The following GABRG3 variants were observed in gnomAD, a reference collection of about 807,000 sequenced individuals.
The protein encoded by GABRG3 is gamma-aminobutyric acid receptor subunit gamma-3.
Under a neutral mutation model 48.8 loss-of-function variants are expected in GABRG3, and 25 were observed. That is an observed-to-expected ratio of 0.51 (90% CI 0.37 to 0.72). The LOEUF (loss-of-function observed/expected upper bound fraction) is 0.72, where lower values mean the gene tolerates loss of function less well. GABRG3 is among the 30% of genes least tolerant of loss of function. GABRG3 has a pLI of 0.00. For synonymous variants in GABRG3, 227 were observed against 217.6 expected (o/e 1.04, Z -0.38); for missense variants, 394 against 577.9 (o/e 0.68, Z 3.26).
rs1199208586 is a variant in GABRG3 at position 26,975,061 on chromosome 15, G to C, written c.54-1941G>C. On this transcript the variant is annotated intron_variant, in intron 1 of 9. Transcript: ENST00000615808. The surrounding 1 kb of genome is among the most constrained non-coding windows in gnomAD (Gnocchi z 4.6). ...GCTAATTTTTTTTGTATTTTTAGTA[G>C]AGACGGGGTTTCACCCTGTTGGCCA... Among the ~76,000 whole-genome samples, 2 of 151,696 alleles carry C rather than the reference G, an allele frequency of 1.3e-5. No homozygotes were observed. Among genetic ancestry groups the C allele is most frequent in the African/African-American group, 2.4e-5 (1 of 41,282 alleles).
At chr15:27,304,077 C>T (rs974323489) in intron 3 of GABRG3, among the ~76,000 whole-genome samples, 11 of 151,800 alleles carry the variant, frequency 7.2e-5, no homozygotes, top group Admixed American at 2.0e-4. Context: ...TAGAGTAGAA[C>T]GGAACATCCT....
At chr15:27,478,169 T>A (rs758046590) in intron 5 of GABRG3, among the ~76,000 whole-genome samples, 8 of 152,172 alleles carry the variant, frequency 5.3e-5, no homozygotes, top group Non-Finnish European at 1.2e-4. Context: ...CACTTTACAT[T>A]ATGTGTATAT....
chr15:27,105,570 T>G (rs2140367516), intron 3 of GABRG3, among the ~76,000 whole-genome samples: 1 of 152,318 alleles, frequency 6.6e-6, no homozygotes, highest in Non-Finnish European at 1.5e-5. Context: ...GCAACCATCA[T>G]GTAATCGGAC....
chr15:27,141,555 A>G (rs1221094778), intron 3 of GABRG3, among the ~76,000 whole-genome samples: 1 of 152,152 alleles, frequency 6.6e-6, no homozygotes, highest in Non-Finnish European at 1.5e-5. Context: ...AGAAAAATCA[A>G]TTTTCCTTGT....
At position 27,433,592 on chromosome 15, in the gene GABRG3, G is replaced by C. The variant is rs142403409; in HGVS notation, c.575-47058G>C. On this transcript the variant is annotated intron_variant, in intron 5 of 9. Transcript: ENST00000615808. ...TCATTCTGGAAGAGCTTCCCCTCTG[G>C]TGGCTCTTTTTAAATCTAATTAATC... Among the ~76,000 whole-genome samples the C allele has an allele frequency of 2.8e-3, 430 of 152,264 alleles. 1 individual carries two copies. Among genetic ancestry groups the C allele is most frequent in the African/African-American group, 9.7e-3 (403 of 41,546 alleles).
intron 3 of GABRG3, among the ~76,000 whole-genome samples, chr15:27,115,722 A>C (rs1897629646): frequency 6.6e-6 from 1 of 152,210 alleles, no homozygotes; most frequent in Admixed American, 6.5e-5. Flanking sequence ...TATATATTCT[A>C]AATCAACATT....
In GABRG3 at chr15:26,982,290, C is replaced by CTT. The variant is rs1895070371; in HGVS notation, c.202+5141_202+5142insTT. ...GATACCCAAGACTGGTTCCTTGCTC[C>CTT]TCTGGATAAGCTAAGTCCAGTTGGA... On this transcript the variant is annotated intron_variant, in intron 2 of 9. Coordinates refer to ENST00000615808, the MANE Select transcript of GABRG3 (RefSeq NM_033223.5). 3.3e-5 allele frequency among the ~76,000 whole-genome samples: 5 copies of CTT among 152,162 alleles called. No individual in the cohort carries two copies. In the South Asian group the frequency reaches 1.0e-3, roughly 32 times the overall value.
intron 5 of GABRG3, among the ~76,000 whole-genome samples, chr15:27,431,994 G>T (rs1304647062): frequency 6.6e-6 from 1 of 151,844 alleles, no homozygotes; most frequent in African/African-American, 2.4e-5. Context: ...TTCCATTGTG[G>T]TTGGAGAACA....
chr15:27,355,580 C>T (rs1314582597), intron 5 of GABRG3, among the ~76,000 whole-genome samples: 2 of 152,220 alleles, frequency 1.3e-5, no homozygotes, highest in Admixed American at 6.5e-5. Flanking sequence ...AACAGTAAAG[C>T]ATAGAGTTAC....
chr15:27,009,430 AT>A (rs1895646713), intron 2 of GABRG3, among the ~76,000 whole-genome samples: 1 of 152,196 alleles, frequency 6.6e-6, no homozygotes, highest in Non-Finnish European at 1.5e-5. Flanking sequence ...CAATATATAC[AT>A]CCTACATATT....
chr15:27,130,254 C>T (rs1897893383), intron 3 of GABRG3, among the ~76,000 whole-genome samples: 1 of 152,064 alleles, frequency 6.6e-6, no homozygotes, highest in Non-Finnish European at 1.5e-5. Context: ...GTCCCAACTT[C>T]ATTCTTTTGC....
intron 3 of GABRG3, among the ~76,000 whole-genome samples, chr15:27,315,343 A>G (rs28720043): frequency 0.017 from 2,592 of 152,288 alleles, 82 homozygotes; most frequent in African/African-American, 0.06. Context: ...GCCTTTAGCA[A>G]TCAGAGAAGC....
At chr15:27,231,699 A>G (rs1395706638) in intron 3 of GABRG3, among the ~76,000 whole-genome samples, 1 of 152,224 alleles carries the variant, frequency 6.6e-6, no homozygotes, top group Non-Finnish European at 1.5e-5. Flanking sequence ...TAGAGGATTT[A>G]ACTTACTGTC....
intron 6 of GABRG3, among the ~76,000 whole-genome samples, chr15:27,509,500 A>T (rs1890846607): frequency 6.6e-6 from 1 of 152,098 alleles, no homozygotes. Context: ...TTATTTTTTC[A>T]CAGCTCTTGG....
intron 3 of GABRG3, among the ~76,000 whole-genome samples, chr15:27,065,742 A>G (rs1448133686): frequency 6.6e-6 from 1 of 152,226 alleles, no homozygotes; most frequent in Non-Finnish European, 1.5e-5. Context: ...ACCACTGAAC[A>G]ACCAAAATGC....
At chr15:27,162,104 A>C (rs1195663589) in intron 3 of GABRG3, among the ~76,000 whole-genome samples, 2 of 152,188 alleles carry the variant, frequency 1.3e-5, no homozygotes, top group Non-Finnish European at 2.9e-5. Context: ...ACTAGTACTG[A>C]AGTTGTCCCA....
At chr15:27,481,275 G>A (rs1172359092) in intron 6 of GABRG3, 3 of 939,054 alleles carry the variant, frequency 3.2e-6, no homozygotes, top group Admixed American at 6.0e-5. Context: ...ATTTTATGAA[G>A]TGATCATTAT....
chr15:27,104,341 C>T (rs1157315069), intron 3 of GABRG3, among the ~76,000 whole-genome samples: 1 of 152,168 alleles, frequency 6.6e-6, no homozygotes, highest in Non-Finnish European at 1.5e-5. Context: ...CTTCCAGAGG[C>T]GTGGCATGAG....
At chr15:27,505,635 T>G (rs933729167) in intron 6 of GABRG3, among the ~76,000 whole-genome samples, 4 of 152,192 alleles carry the variant, frequency 2.6e-5, no homozygotes. Flanking sequence ...TGTATTCCTG[T>G]CATGTGGTGT....
Sources: gnomAD v4.1 joint callset for allele counts (sites outside exome capture counted in the v4.1 genomes callset) on GRCh38, gnomAD v4.1.1 for gene constraint, Gnocchi (gnomAD v3.1) non-coding constraint, MANE v1.5 for transcripts, NCBI Gene and HGNC (gene_info 2026-07-23, HGNC 2026-07-21) for gene names.